Variants in P2RY14 observed in about 807,000 individuals in gnomAD.
The protein encoded by P2RY14 is purinergic receptor P2Y14.
P2RY14 carries 2 observed loss-of-function variants against 0.9 expected under a neutral mutation model. The observed-to-expected ratio is 2.16, with a 90% CI of 0.88 to 6.79. P2RY14 has a LOEUF of 6.79. Ranked by LOEUF, P2RY14 falls within the 30% of genes most tolerant of loss-of-function variation. The probability of loss-of-function intolerance (pLI) is 0.05; values close to 1 mark genes in which losing one functional copy is unlikely to be tolerated. For missense variants in P2RY14, 378 were observed against 400.1 expected (o/e 0.94, Z 0.47); for synonymous variants, 158 against 147.2 (o/e 1.07, Z -0.53).
chr3:151,252,195 A>G (rs529077388), intron 1 of P2RY14, among the ~76,000 whole-genome samples: 4 of 152,016 alleles, frequency 2.6e-5, no homozygotes, highest in Non-Finnish European at 5.9e-5. Context: ...TCATCTTTCT[A>G]TCCATCTGTT....
Position 151,213,974 on chromosome 3 carries a change from T to G in P2RY14, c.343A>C (p.Ile115Leu), listed in dbSNP as rs1466227938. 6.2e-7 allele frequency: 1 copy of G among 1,614,108 alleles called. No individual in the cohort carries two copies. ...ATTTTATAATATCTGTCAAAGCTGA[T>G]GAGCCCAAAGAACACAATGCTGACG... ...MYVSIVFFGLISFDRYYKIVK... is the reference protein window; with the variant it reads ...MYVSIVFFGLLSFDRYYKIVK... Residue 115 changes from isoleucine to leucine, a missense_variant, in exon 3 of 3, where the codon ATC becomes CTC. Ile to Leu is a conservative substitution (Grantham distance 5). Coordinates refer to ENST00000309170, the MANE Select transcript of P2RY14 (RefSeq NM_014879.4).
At chr3:151,242,126 C>T (rs1396558445) in intron 1 of P2RY14, among the ~76,000 whole-genome samples, 2 of 152,172 alleles carry the variant, frequency 1.3e-5, no homozygotes, top group African/African-American at 2.4e-5. Flanking sequence ...GGGTCCTACG[C>T]CCATGGAGTC....
intron 1 of P2RY14, among the ~76,000 whole-genome samples, chr3:151,268,078 C>T (rs1363736361): frequency 6.6e-6 from 1 of 152,076 alleles, no homozygotes; most frequent in Non-Finnish European, 1.5e-5. Context: ...TAATATGCAT[C>T]GGTGGTAGTC....
chr3:151,242,574 A>G (rs890608245), intron 1 of P2RY14, among the ~76,000 whole-genome samples: 4 of 152,344 alleles, frequency 2.6e-5, no homozygotes, highest in Admixed American at 1.3e-4. Flanking sequence ...TTACAAGGAA[A>G]ACTAACAAAC....
intron 2 of P2RY14, among the ~76,000 whole-genome samples, chr3:151,218,853 C>A (rs1728752206): frequency 9.8e-6 from 1 of 102,498 alleles, no homozygotes; most frequent in Non-Finnish European, 1.8e-5. Context: ...GGTGACAGAG[C>A]AAGACTCAGT....
chr3:151,243,278 A>T (rs1212041867), intron 1 of P2RY14, among the ~76,000 whole-genome samples: 1 of 151,574 alleles, frequency 6.6e-6, no homozygotes, highest in Non-Finnish European at 1.5e-5. Flanking sequence ...CCACAAAGAT[A>T]CTCCTCGAGA....
chr3:151,218,696 G>A (rs1245870352), intron 2 of P2RY14, among the ~76,000 whole-genome samples: 1 of 151,452 alleles, frequency 6.6e-6, no homozygotes, highest in African/African-American at 2.4e-5. Context: ...ATGAAACCCT[G>A]CCTCTACTAA....
chr3:151,274,225 T>C (rs762268021), intron 1 of P2RY14, among the ~76,000 whole-genome samples: 2 of 152,254 alleles, frequency 1.3e-5, no homozygotes, highest in Non-Finnish European at 2.9e-5. Context: ...TTTCTAAAAA[T>C]AATTCCTACT....
chr3:151,258,073 A>G (rs1304436586), intron 1 of P2RY14, among the ~76,000 whole-genome samples: 1 of 152,214 alleles, frequency 6.6e-6, no homozygotes, highest in Non-Finnish European at 1.5e-5. Context: ...CCCAGTATCT[A>G]TACCATTCCA....
chr3:151,251,434 A>G (rs528811045), intron 1 of P2RY14, among the ~76,000 whole-genome samples: 1 of 152,000 alleles, frequency 6.6e-6, no homozygotes, highest in Admixed American at 6.5e-5. Flanking sequence ...ACCAAACCTC[A>G]GGTCATTTTT....
At position 151,261,901 on chromosome 3, in the gene P2RY14, A is replaced by T. The variant is rs527621560; in HGVS notation, c.-133+16386T>A. 4.0e-5 allele frequency among the ~76,000 whole-genome samples: 6 copies of T among 151,838 alleles called. No homozygotes were observed. The South Asian group carries it at 1.2e-3, about 32-fold the overall frequency. ...CACCATGCCTGGCTAATTTTTTTGT[A>T]TTTTTAGTAGAGACGGGGTTTCACC... On this transcript the variant is annotated intron_variant, in intron 1 of 2. Transcript: ENST00000309170.
chr3:151,226,580 T>C (rs1461307844), intron 1 of P2RY14, among the ~76,000 whole-genome samples: 1 of 152,142 alleles, frequency 6.6e-6, no homozygotes, highest in Middle Eastern at 3.2e-3. Context: ...TTCAACATTT[T>C]GCTGGAGTCG....
chr3:151,258,456 T>C (rs549371982), intron 1 of P2RY14, among the ~76,000 whole-genome samples: 18 of 152,316 alleles, frequency 1.2e-4, no homozygotes, highest in African/African-American at 3.8e-4. Flanking sequence ...TATCTGAGGC[T>C]GGCCCTGGGT....
chr3:151,232,340 C>G (rs1464424050), intron 1 of P2RY14, among the ~76,000 whole-genome samples: 1 of 152,188 alleles, frequency 6.6e-6, no homozygotes, highest in African/African-American at 2.4e-5. Context: ...TCTCTGCAAC[C>G]TTGCCAGCAT....
At chr3:151,263,770 C>G (rs975194142) in intron 1 of P2RY14, among the ~76,000 whole-genome samples, 1 of 152,176 alleles carries the variant, frequency 6.6e-6, no homozygotes, top group African/African-American at 2.4e-5. Flanking sequence ...ACCACCCCCC[C>G]CACTTATCAG....
intron 1 of P2RY14, among the ~76,000 whole-genome samples, chr3:151,237,759 A>AT (rs991075307): frequency 6.6e-6 from 1 of 152,022 alleles, no homozygotes; most frequent in Admixed American, 6.6e-5. Flanking sequence ...CAGATTAAAA[A>AT]TTTTTTTCTT....
chr3:151,246,035 A>G (rs1456332265), intron 1 of P2RY14, among the ~76,000 whole-genome samples: 2 of 151,348 alleles, frequency 1.3e-5, no homozygotes, highest in African/African-American at 4.8e-5. Context: ...TTCAAAGAGA[A>G]TAAAATACCT....
chr3:151,243,809 G>A (rs1399895611), intron 1 of P2RY14, among the ~76,000 whole-genome samples: 34 of 151,534 alleles, frequency 2.2e-4, no homozygotes, highest in African/African-American at 7.8e-4. Flanking sequence ...CCAATTAAAC[G>A]ACACAGACTG....
At chr3:151,254,950 C>G (rs1186359101) in intron 1 of P2RY14, among the ~76,000 whole-genome samples, 1 of 152,204 alleles carries the variant, frequency 6.6e-6, no homozygotes, top group African/African-American at 2.4e-5. Flanking sequence ...AAGTCTGAGT[C>G]AGATTCTGAT....
Sources: allele counts gnomAD v4.1 joint callset (sites outside exome capture counted in the v4.1 genomes callset), GRCh38; gene constraint gnomAD v4.1.1; transcripts MANE v1.5; gene names NCBI Gene and HGNC (gene_info 2026-07-23, HGNC 2026-07-21).